The following CNTNAP2 variants were observed in gnomAD, a reference collection of about 807,000 sequenced individuals.
CNTNAP2 encodes the protein contactin-associated protein-like 2.
A neutral mutation model predicts 155.2 loss-of-function variants in CNTNAP2; 98 were observed. The ratio of observed to expected loss-of-function variants is 0.63; its 90% CI spans 0.54 to 0.75. The LOEUF is 0.75. Among genes scored for constraint, CNTNAP2 ranks in the 30% least tolerant of loss-of-function variants. The pLI is 0.00. For synonymous variants in CNTNAP2, 651 were observed against 631.2 expected (o/e 1.03, Z -0.47); for missense variants, 1,727 against 1,688.1 (o/e 1.02, Z -0.40).
intron 1 of CNTNAP2, among the ~76,000 whole-genome samples, chr7:146,431,551 T>C (rs187930053): frequency 2.0e-5 from 3 of 152,088 alleles, no homozygotes; most frequent in East Asian, 3.9e-4. Flanking sequence ...AAGAGCGTAC[T>C]ATTTGCCAGG....
chr7:146,550,010 T>C (rs1798091125), intron 1 of CNTNAP2, among the ~76,000 whole-genome samples: 3 of 151,950 alleles, frequency 2.0e-5, no homozygotes, highest in Non-Finnish European at 2.9e-5. Context: ...CCACATAAAG[T>C]AAGTATCAAA....
intron 13 of CNTNAP2, among the ~76,000 whole-genome samples, chr7:147,695,432 T>C (rs1222391754): frequency 6.6e-6 from 1 of 152,162 alleles, no homozygotes; most frequent in Non-Finnish European, 1.5e-5. Flanking sequence ...GGATGAAGGG[T>C]ATCGAAGTTG....
rs1563185627 is a variant in CNTNAP2 at position 148,062,008 on chromosome 7, T to A, written c.2384-56110T>A. ...ATAGATAGATAGATAGATAGATAGA[T>A]GATAGAGAGAGAGAGAGAGAGTGTG... On this transcript the variant is annotated intron_variant, in intron 15 of 23. Coordinates refer to ENST00000361727, the MANE Select transcript of CNTNAP2 (RefSeq NM_014141.6). Among the ~76,000 whole-genome samples the A allele has an allele frequency of 9.4e-3, 736 of 78,478 alleles. 27 individuals are homozygous for A. The highest frequency in any genetic ancestry group is 0.035 in the African/African-American group (521 of 15,018). 51.5% of individuals were successfully genotyped at this position (78,478 alleles called of 152,430 possible). A position where few individuals can be genotyped will look rare whatever the true frequency, so the allele number is the denominator to read the frequency against.
intron 11 of CNTNAP2, among the ~76,000 whole-genome samples, chr7:147,534,372 G>T (rs1799503957): frequency 6.6e-6 from 1 of 152,122 alleles, no homozygotes; most frequent in Non-Finnish European, 1.5e-5. Context: ...AGTTTGTATG[G>T]TCCCAGTGCC....
chr7:146,753,918 A>G (rs145476215), intron 1 of CNTNAP2, among the ~76,000 whole-genome samples: 139 of 152,132 alleles, frequency 9.1e-4, no homozygotes, highest in Non-Finnish European at 1.6e-3. Flanking sequence ...CCTATACGAA[A>G]ATAGAAGCTT....
chr7:146,146,814 A>G (rs1364015477), intron 1 of CNTNAP2, among the ~76,000 whole-genome samples: 1 of 152,190 alleles, frequency 6.6e-6, no homozygotes, highest in African/African-American at 2.4e-5. Flanking sequence ...AGTAAAGTCT[A>G]ATCCAGATCT....
At chr7:146,350,008 G>GA (rs1377101759) in intron 1 of CNTNAP2, among the ~76,000 whole-genome samples, 1 of 152,070 alleles carries the variant, frequency 6.6e-6, no homozygotes, top group East Asian at 1.9e-4. Flanking sequence ...GAATCTGAAT[G>GA]TTGGCCTGCC....
At chr7:147,043,601 A>T (rs1341810437) in intron 3 of CNTNAP2, among the ~76,000 whole-genome samples, 1 of 152,250 alleles carries the variant, frequency 6.6e-6, no homozygotes, top group African/African-American at 2.4e-5. Context: ...TATAAATTAA[A>T]TGCAAAATAT....
At chr7:146,428,026 G>A (rs931684573) in intron 1 of CNTNAP2, among the ~76,000 whole-genome samples, 2 of 152,164 alleles carry the variant, frequency 1.3e-5, no homozygotes, top group Non-Finnish European at 2.9e-5. Flanking sequence ...GTTTGCTAAG[G>A]ATAATGGCCC....
intron 3 of CNTNAP2, among the ~76,000 whole-genome samples, chr7:146,892,283 T>C (rs1321362575): frequency 1.3e-5 from 2 of 152,128 alleles, no homozygotes; most frequent in Non-Finnish European, 2.9e-5. Context: ...CAGTGCCTGA[T>C]CCCAAGTATG....
chr7:146,708,443 A>C (rs1400453459), intron 1 of CNTNAP2, among the ~76,000 whole-genome samples: 1 of 151,790 alleles, frequency 6.6e-6, no homozygotes, highest in Non-Finnish European at 1.5e-5. Flanking sequence ...AATGCTTTAA[A>C]ATAATTTTTA....
chr7:147,055,914 C>T (rs1799553442), intron 4 of CNTNAP2, among the ~76,000 whole-genome samples: 1 of 152,148 alleles, frequency 6.6e-6, no homozygotes, highest in South Asian at 2.1e-4. Flanking sequence ...TGGAGACCCT[C>T]CAGGCTTTTC....
Position 148,418,455 on chromosome 7 carries a change from T to C in CNTNAP2, c.*2839T>C, listed in dbSNP as rs1325695228. 1 of 152,118 alleles carries C rather than the reference T, an allele frequency of 6.6e-6. No individual in the cohort carries two copies. Among genetic ancestry groups the C allele is most frequent in the Admixed American group, 6.5e-5 (1 of 15,276 alleles). The allele number at this position is 152,118 out of a possible 1,614,324, so 9.4% of individuals were successfully genotyped here. ...TATAGACAACAACAACGACAAAAAA[T>C]AGACTGTTTTAAAGTTTCAGGGAAA... On this transcript the variant is annotated 3_prime_UTR_variant, in exon 24 of 24. Coordinates refer to ENST00000361727, the MANE Select transcript of CNTNAP2 (RefSeq NM_014141.6).
At chr7:146,934,909 T>G (rs1428963272) in intron 3 of CNTNAP2, among the ~76,000 whole-genome samples, 2 of 152,194 alleles carry the variant, frequency 1.3e-5, no homozygotes, top group Non-Finnish European at 2.9e-5. Flanking sequence ...CCTTTTATGA[T>G]CACTGTCTTT....
chr7:147,602,050 T>A (rs2116861808), intron 12 of CNTNAP2, among the ~76,000 whole-genome samples: 1 of 152,276 alleles, frequency 6.6e-6, no homozygotes, highest in East Asian at 1.9e-4. Context: ...TGTTGCAGTA[T>A]CCTTCCATCA....
chr7:148,268,551 A>T (rs1021186589), intron 21 of CNTNAP2, among the ~76,000 whole-genome samples: 2 of 152,024 alleles, frequency 1.3e-5, no homozygotes, highest in African/African-American at 4.8e-5. Flanking sequence ...GCTACTTGGG[A>T]GGCTGAGGCA....
Position 146,560,637 on chromosome 7 carries a change from T to C in CNTNAP2, c.98-213634T>C, listed in dbSNP as rs1172039056. Among the ~76,000 whole-genome samples, 5 of 152,148 alleles carry C rather than the reference T, an allele frequency of 3.3e-5. No individual in the cohort carries two copies. The South Asian group carries it at 1.0e-3, about 31-fold the overall frequency. ...GCCATATTAGAGTAGGAGAAAGAGA[T>C]GATACTTTTGTGTCAAGTGAGTAGA... On this transcript the variant is annotated intron_variant, in intron 1 of 23. Transcript: ENST00000361727.
intron 9 of CNTNAP2, among the ~76,000 whole-genome samples, chr7:147,377,063 G>A (rs1796447097): frequency 6.6e-6 from 1 of 151,460 alleles, no homozygotes; most frequent in Admixed American, 6.6e-5. Flanking sequence ...TGTCTTTTCA[G>A]TATAGTATTT....
chr7:146,346,150 A>G (rs1794815258), intron 1 of CNTNAP2, among the ~76,000 whole-genome samples: 1 of 152,184 alleles, frequency 6.6e-6, no homozygotes, highest in South Asian at 2.1e-4. Context: ...AGGGGTCCCC[A>G]ACCCCTGGGC....
Sources: gnomAD v4.1 joint callset for allele counts (sites outside exome capture counted in the v4.1 genomes callset) on GRCh38, gnomAD v4.1.1 for gene constraint, MANE v1.5 for transcripts, NCBI Gene and HGNC (gene_info 2026-07-23, HGNC 2026-07-21) for gene names.